Variants in BPIFA2 observed in about 807,000 individuals in gnomAD.
BPIFA2 encodes the protein BPI fold-containing family A member 2.
In BPIFA2, 20 loss-of-function variants were observed where a neutral mutation model predicts 25.7. The observed-to-expected ratio is 0.78, with a 90% CI of 0.55 to 1.13. The LOEUF is 1.13. Ranked by LOEUF, BPIFA2 falls within the 50% of genes most tolerant of loss-of-function variation. The probability of loss-of-function intolerance (pLI) is 0.00; values close to 1 mark genes in which losing one functional copy is unlikely to be tolerated. For missense variants in BPIFA2, 300 were observed against 298.1 expected, an observed-to-expected ratio of 1.01 and a Z score of -0.05; for synonymous variants, 126 against 124.3, an observed-to-expected ratio of 1.01 and a Z score of -0.09.
intron 4 of BPIFA2, 55 bp from the exon 5 acceptor site, chr20:33,175,352 G>T: frequency 6.4e-7 from 1 of 1,551,416 alleles, no homozygotes; most frequent in Non-Finnish European, 8.8e-7. Flanking sequence ...GAACCCAACT[G>T]GGCAACAGGC....
intron 6 of BPIFA2, 55 bp downstream of exon 6, chr20:33,178,283 G>C: frequency 7.4e-7 from 1 of 1,355,006 alleles, no homozygotes; most frequent in South Asian, 1.2e-5. Flanking sequence ...GCAGGTGGGG[G>C]AATTTGCAGG....
At chr20:33,179,354 T>C (rs1312029456) in intron 6 of BPIFA2, among the ~76,000 whole-genome samples, 3 of 150,600 alleles carry the variant, frequency 2.0e-5, no homozygotes, top group Non-Finnish European at 4.4e-5. Flanking sequence ...CACTTGAATC[T>C]GGGAGGCGGA....
intron 4 of BPIFA2, among the ~76,000 whole-genome samples, chr20:33,175,078 G>A (rs369259811): frequency 6.6e-6 from 1 of 152,112 alleles, no homozygotes; most frequent in East Asian, 1.9e-4. Context: ...TCAGAAAATA[G>A]GGATAGTAAT....
upstream of BPIFA2, among the ~76,000 whole-genome samples, chr20:33,166,456 G>T (rs1009424218): frequency 6.6e-6 from 1 of 152,178 alleles, no homozygotes; most frequent in African/African-American, 2.4e-5. Context: ...CTGTTGCCGT[G>T]CATCATGGGC....
At position 33,175,409 on chromosome 20, in the gene BPIFA2, C is replaced by T. The variant is rs750897300; in HGVS notation, c.413C>T (p.Pro138Leu). The T allele has an allele frequency of 7.4e-6, 12 of 1,613,206 alleles. No homozygotes were observed. The Admixed American group carries it at 1.7e-4, about 22-fold the overall frequency. ...PVTANVTVAGPIIGQIINLKA... is the reference protein window; with the variant it reads ...PVTANVTVAGLIIGQIINLKA... ...ACTGTGCATCTTACTTCCTGCAGGC[C>T]CATCATTGGCCAGATTATCAACCTG... is the stretch of plus-strand genomic sequence containing the variant. The change falls in exon 5 of 9, where the codon CCC becomes CTC. Residue 138 changes from proline to leucine, a missense_variant and splice_region_variant. By Grantham distance (98) the Pro-to-Leu change is moderately conservative (BLOSUM62 -3). Transcript: ENST00000354932.
At chr20:33,179,158 G>A (rs141484976) in intron 6 of BPIFA2, among the ~76,000 whole-genome samples, 1,693 of 152,110 alleles carry the variant, frequency 0.011, 31 homozygotes, top group African/African-American at 0.038. Context: ...GGCCAGGCGC[G>A]GTGGCTTATG....
At chr20:33,165,430 G>A (rs996615454), upstream of BPIFA2, among the ~76,000 whole-genome samples, 11 of 152,226 alleles carry the variant, frequency 7.2e-5, no homozygotes, top group East Asian at 2.1e-3. Flanking sequence ...GGTGGGGGCT[G>A]CTTCTGTCCA....
rs572441249 is a variant in BPIFA2 at position 33,173,724 on chromosome 20, G to A, written c.303-355G>A. 3.3e-5 allele frequency among the ~76,000 whole-genome samples: 5 copies of A among 152,248 alleles called. No individual in the cohort carries two copies. The East Asian group carries it at 7.7e-4, about 24-fold the overall frequency. ...TCTCCATGTTGGTCAGGCTGGTCTC[G>A]AACTCCCGACCTCAGGAGATCTGCC... On this transcript the variant is annotated intron_variant, in intron 3 of 8. Coordinates refer to ENST00000354932, the MANE Select transcript of BPIFA2 (RefSeq NM_080574.4).
At chr20:33,167,247 C>A (rs532952428), upstream of BPIFA2, among the ~76,000 whole-genome samples, 9 of 152,314 alleles carry the variant, frequency 5.9e-5, no homozygotes, top group Non-Finnish European at 1.0e-4. Context: ...GAGCTCTGTG[C>A]CAGTCCTTCC....
At chr20:33,171,478 AATCT>A (rs948047547) in intron 2 of BPIFA2, among the ~76,000 whole-genome samples, 30 of 152,212 alleles carry the variant, frequency 2.0e-4, no homozygotes, top group African/African-American at 6.5e-4. Flanking sequence ...TCATTTTTGC[AATCT>A]ATCTATCTGA....
Position 33,174,105 on chromosome 20 carries a change from T to A in BPIFA2, c.329T>A (p.Leu110Gln), listed in dbSNP as rs987090897. The A allele has an allele frequency of 1.9e-6, 3 of 1,614,062 alleles. No individual in the cohort carries two copies. The African/African-American group carries it at 4.0e-5, about 22-fold the overall frequency. ...TTGAAAATCAGCAACTCCCTCATCC[T>A]GGATGTCAAAGCTGAACCGATCGAT... is the stretch of plus-strand genomic sequence containing the variant. ...FGLKISNSLI[L>Q]DVKAEPIDDG... Residue 110 changes from leucine (L) to glutamine (Q), a missense_variant, in exon 4 of 9, where the codon CTG becomes CAG. Transcript: ENST00000354932.
chr20:33,163,489 G>A (rs759199106), upstream of BPIFA2, among the ~76,000 whole-genome samples: 9 of 152,140 alleles, frequency 5.9e-5, no homozygotes, highest in Non-Finnish European at 1.3e-4. Flanking sequence ...GAATCGAAAG[G>A]ACCCACACAG....
chr20:33,173,774 G>C lies in BPIFA2; in HGVS notation c.303-305G>C, dbSNP rs369832320. Among the ~76,000 whole-genome samples the C allele has an allele frequency of 7.2e-5, 11 of 152,324 alleles. No homozygotes were observed. In the East Asian group the frequency reaches 1.9e-3, roughly 27 times the overall value. On this transcript the variant is annotated intron_variant, in intron 3 of 8. Transcript: ENST00000354932. ...CTGCCTTGGCCTCCCAAAGTGCTGG[G>C]ATTACAGGCGTGAGTCACCGTGCCC...
chr20:33,176,903 T>G lies in BPIFA2; in HGVS notation c.564-1244T>G, dbSNP rs373643824. 3.9e-5 allele frequency among the ~76,000 whole-genome samples: 6 copies of G among 152,314 alleles called. No homozygotes were observed. The South Asian group carries it at 6.2e-4, about 16-fold the overall frequency. On this transcript the variant is annotated intron_variant, in intron 5 of 8. Coordinates refer to ENST00000354932, the MANE Select transcript of BPIFA2 (RefSeq NM_080574.4). The stretch of plus-strand genomic sequence containing the variant: ...GCTCTGGCTACCTAGAGCACCTTCT[T>G]CTCACTCCACTTTGATGGACTTTTG...
chr20:33,175,439 C>T lies in BPIFA2; in HGVS notation c.443C>T (p.Ala148Val), dbSNP rs202172403. ...ATTGGCCAGATTATCAACCTGAAAGCCTCCTTGGACCTCCTGACCGCAGTC... is the reference window on the plus strand; with the variant it reads ...ATTGGCCAGATTATCAACCTGAAAGTCTCCTTGGACCTCCTGACCGCAGTC... ...PIIGQIINLK[A>V]SLDLLTAVTI... The change falls in exon 5 of 9, where the codon GCC (alanine) becomes GTC (valine). Residue 148 changes from alanine to valine, a missense_variant. Ala to Val is a moderately conservative substitution (Grantham distance 64). Coordinates refer to ENST00000354932, the MANE Select transcript of BPIFA2 (RefSeq NM_080574.4). 1 of 1,613,956 alleles carries T rather than the reference C, an allele frequency of 6.2e-7. No homozygotes were observed. The highest frequency in any genetic ancestry group is 8.5e-7 in the Non-Finnish European group (1 of 1,179,850).
chr20:33,180,709 G>T (rs1984249866), intron 8 of BPIFA2, 112 bp downstream of exon 8: 2 of 831,414 alleles, frequency 2.4e-6, no homozygotes, highest in African/African-American at 1.7e-5. Flanking sequence ...CTCAGTCATA[G>T]ATTGAGCCCT....
upstream of BPIFA2, among the ~76,000 whole-genome samples, chr20:33,164,741 G>A (rs1181841904): frequency 6.6e-6 from 1 of 150,858 alleles, no homozygotes; most frequent in Non-Finnish European, 1.5e-5. Context: ...TCCTGCTGTA[G>A]ACCAGACCCT....
upstream of BPIFA2, among the ~76,000 whole-genome samples, chr20:33,163,999 G>A (rs984155379): frequency 6.6e-6 from 1 of 152,082 alleles, no homozygotes; most frequent in Admixed American, 6.6e-5. Flanking sequence ...GTTGCTGGGA[G>A]GAGTAAATGG....
upstream of BPIFA2, among the ~76,000 whole-genome samples, chr20:33,166,899 C>CT (rs1983742451): frequency 6.6e-6 from 1 of 152,246 alleles, no homozygotes; most frequent in African/African-American, 2.4e-5. Context: ...GCCCTTGGCT[C>CT]TGTGCTTCAC....
Sources: allele counts gnomAD v4.1 joint callset (sites outside exome capture counted in the v4.1 genomes callset), GRCh38; gene constraint gnomAD v4.1.1; transcripts MANE v1.5; gene names NCBI Gene and HGNC (gene_info 2026-07-23, HGNC 2026-07-21).